PTPRK: variants seen among roughly 807,000 people sequenced by gnomAD.
PTPRK encodes receptor-type tyrosine-protein phosphatase kappa.
In PTPRK, 75 loss-of-function variants were observed where a neutral mutation model predicts 178.0. The observed-to-expected ratio is 0.42, with a 90% CI of 0.35 to 0.51. The LOEUF is 0.51. Among genes scored for constraint, PTPRK ranks in the 20% least tolerant of loss-of-function variants. The pLI is 0.02. For missense variants in PTPRK, 1,441 were observed against 1,797.8 expected, an observed-to-expected ratio of 0.80 and a Z score of 3.59; for synonymous variants, 637 against 620.6, an observed-to-expected ratio of 1.03 and a Z score of -0.39.
At chr6:128,320,073 T>C (rs1020672938) in intron 3 of PTPRK, among the ~76,000 whole-genome samples, 1 of 152,306 alleles carries the variant, frequency 6.6e-6, no homozygotes, top group African/African-American at 2.4e-5. Context: ...TATTTAGTCA[T>C]CATTTTCTCT....
At chr6:128,066,079 T>C (rs981485252) in intron 12 of PTPRK, among the ~76,000 whole-genome samples, 11 of 152,212 alleles carry the variant, frequency 7.2e-5, no homozygotes, top group Admixed American at 6.5e-5. Flanking sequence ...TCTGGTATAA[T>C]AGACCAAATA....
At chr6:128,008,455 C>A (rs777483919) in intron 14 of PTPRK, among the ~76,000 whole-genome samples, 60 of 150,828 alleles carry the variant, frequency 4.0e-4, no homozygotes, top group Non-Finnish European at 7.3e-4. Context: ...ATATAATGTA[C>A]AATAGCTCAT....
chr6:128,150,342 C>T (rs1398195773), intron 7 of PTPRK, among the ~76,000 whole-genome samples: 1 of 152,002 alleles, frequency 6.6e-6, no homozygotes, highest in African/African-American at 2.4e-5. Flanking sequence ...ATGAACAGTT[C>T]CAACAAAACT....
chr6:128,228,174 T>C (rs1395455186), intron 5 of PTPRK, among the ~76,000 whole-genome samples: 3 of 151,144 alleles, frequency 2.0e-5, no homozygotes, highest in African/African-American at 7.3e-5. Context: ...TATGAGTAAC[T>C]ACAGTAAAGT....
chr6:128,372,136 T>C (rs1836388106), intron 2 of PTPRK, among the ~76,000 whole-genome samples: 1 of 152,210 alleles, frequency 6.6e-6, no homozygotes. Flanking sequence ...TTCCCCTAGC[T>C]CTAGCCCCAA....
intron 3 of PTPRK, among the ~76,000 whole-genome samples, chr6:128,262,727 C>T (rs151243610): frequency 8.2e-4 from 124 of 151,830 alleles, no homozygotes; most frequent in African/African-American, 2.6e-3. Context: ...TGCATTTATA[C>T]GAAAAGTCTT....
chr6:128,095,986 A>T (rs1187622483), intron 7 of PTPRK, among the ~76,000 whole-genome samples: 1 of 152,206 alleles, frequency 6.6e-6, no homozygotes, highest in African/African-American at 2.4e-5. Flanking sequence ...AAGTTTTACT[A>T]ACTTTTCCTA....
intron 13 of PTPRK, among the ~76,000 whole-genome samples, chr6:128,029,599 T>G (rs1774926871): frequency 6.6e-6 from 1 of 150,548 alleles, no homozygotes; most frequent in Non-Finnish European, 1.5e-5. Flanking sequence ...GTAGTGCCAA[T>G]GCACTCCAGC....
intron 5 of PTPRK, among the ~76,000 whole-genome samples, chr6:128,224,587 C>G (rs1325896787): frequency 6.6e-6 from 1 of 152,152 alleles, no homozygotes; most frequent in Non-Finnish European, 1.5e-5. Context: ...GTATCAAAAT[C>G]TGCATCAAGA....
chr6:128,008,595 GA>G (rs1442959755), intron 14 of PTPRK, among the ~76,000 whole-genome samples: 1 of 150,978 alleles, frequency 6.6e-6, no homozygotes, highest in Non-Finnish European at 1.5e-5. Flanking sequence ...GATATTAGTT[GA>G]TATAGTATAA....
intron 4 of PTPRK, 78 bp downstream of exon 4, chr6:128,242,443 A>G (rs928437230): frequency 1.3e-6 from 2 of 1,545,480 alleles, no homozygotes; most frequent in Admixed American, 2.0e-5. Flanking sequence ...ACCAAGTGAT[A>G]AACAATCAAT....
At chr6:128,165,695 C>T (rs1375933896) in intron 7 of PTPRK, among the ~76,000 whole-genome samples, 1 of 151,058 alleles carries the variant, frequency 6.6e-6, no homozygotes, top group East Asian at 1.9e-4. Context: ...TTTTTTTCCT[C>T]ATTACAAATT....
intron 5 of PTPRK, chr6:128,238,054 G>A (rs1813635735): frequency 2.2e-6 from 1 of 450,060 alleles, no homozygotes. Context: ...GGTAATTGAT[G>A]TGGTGTTATT....
chr6:128,061,040 CTG>C (rs1562511903), intron 13 of PTPRK, among the ~76,000 whole-genome samples: 1 of 152,128 alleles, frequency 6.6e-6, no homozygotes, highest in Admixed American at 6.5e-5. Context: ...GACTCTCACT[CTG>C]TATTTGTCCC....
At chr6:128,329,473 G>A (rs1417419628) in intron 2 of PTPRK, among the ~76,000 whole-genome samples, 1 of 151,474 alleles carries the variant, frequency 6.6e-6, no homozygotes, top group Non-Finnish European at 1.5e-5. Flanking sequence ...CAGGACAGGA[G>A]AGCTGATGGT....
chr6:128,327,788 G>A (rs1829765972), intron 2 of PTPRK, among the ~76,000 whole-genome samples: 1 of 152,184 alleles, frequency 6.6e-6, no homozygotes, highest in Non-Finnish European at 1.5e-5. Context: ...TTAACGCTGT[G>A]AAGAAAACCT....
At chr6:128,067,446 A>G in intron 12 of PTPRK, 73 bp downstream of exon 12, 3 of 1,387,174 alleles carry the variant, frequency 2.2e-6, no homozygotes, top group African/African-American at 1.4e-5. Flanking sequence ...GACGGATGCT[A>G]CTGAGTATTC....
intron 6 of PTPRK, among the ~76,000 whole-genome samples, chr6:128,187,125 G>A (rs1202891065): frequency 2.0e-5 from 3 of 152,082 alleles, no homozygotes; most frequent in South Asian, 2.1e-4. Context: ...CTGAACTTAT[G>A]TGAGTATATC....
At chr6:128,233,493 T>A (rs1359714710) in intron 5 of PTPRK, among the ~76,000 whole-genome samples, 6 of 152,128 alleles carry the variant, frequency 3.9e-5, no homozygotes, top group Admixed American at 3.9e-4. Flanking sequence ...CTCGCTCTGG[T>A]TGTTTTTGAG....
Sources: gnomAD v4.1 joint callset for allele counts (sites outside exome capture counted in the v4.1 genomes callset) on GRCh38, gnomAD v4.1.1 for gene constraint, MANE v1.5 for transcripts, NCBI Gene and HGNC (gene_info 2026-07-23, HGNC 2026-07-21) for gene names.